PARM1: variants seen among roughly 807,000 people sequenced by gnomAD.
PARM1 encodes the protein WSC4, cell wall integrity and stress response component 4 homolog.
A neutral mutation model predicts 24.6 loss-of-function variants in PARM1; 14 were observed. The ratio of observed to expected loss-of-function variants is 0.57; its 90% CI spans 0.38 to 0.89. The LOEUF (loss-of-function observed/expected upper bound fraction) is 0.89. Ranked by LOEUF, PARM1 falls within the 40% of genes least tolerant of loss-of-function variation. The probability of loss-of-function intolerance (pLI) is 0.00; values close to 1 mark genes in which losing one functional copy is unlikely to be tolerated. For synonymous variants in PARM1, 179 were observed against 156.6 expected (o/e 1.14, Z -1.07); for missense variants, 362 against 380.4 (o/e 0.95, Z 0.40).
At chr4:75,039,653 G>A (rs769129531) in intron 3 of PARM1, among the ~76,000 whole-genome samples, 2 of 152,130 alleles carry the variant, frequency 1.3e-5, no homozygotes, top group Non-Finnish European at 2.9e-5. Flanking sequence ...CAGTGCTGCT[G>A]GTCCAAGGAT....
intron 1 of PARM1, among the ~76,000 whole-genome samples, chr4:74,961,631 T>A (rs1721776473): frequency 6.6e-6 from 1 of 152,164 alleles, no homozygotes; most frequent in Admixed American, 6.5e-5. Context: ...TTCTAAACTT[T>A]AGAGGCCAGA....
At chr4:75,025,296 G>A (rs747184829) in intron 2 of PARM1, among the ~76,000 whole-genome samples, 36 of 152,202 alleles carry the variant, frequency 2.4e-4, no homozygotes, top group Non-Finnish European at 7.3e-5. Flanking sequence ...TGAATGAGGG[G>A]ATTGATCCCA....
intron 2 of PARM1, among the ~76,000 whole-genome samples, chr4:75,025,585 C>A (rs752564729): frequency 2.0e-5 from 3 of 152,154 alleles, no homozygotes; most frequent in Non-Finnish European, 4.4e-5. Flanking sequence ...ACTGTGCCGT[C>A]ATGTGTGCCT....
In PARM1 at chr4:75,046,157, C is replaced by T; in HGVS notation, c.849-6C>T. 6.2e-7 allele frequency: 1 copy of T among 1,604,160 alleles called. No individual in the cohort carries two copies. ...TAATCACAACCCTCTTCTGTTTCTC[C>T]ACCAGGCATTCCTCCTATGGAAGAC... On this transcript the variant is annotated splice_region_variant and splice_polypyrimidine_tract_variant and intron_variant, in intron 3 of 3. Transcript: ENST00000307428.
At chr4:74,978,685 T>C (rs1157132873) in intron 1 of PARM1, among the ~76,000 whole-genome samples, 3 of 152,176 alleles carry the variant, frequency 2.0e-5, no homozygotes, top group Non-Finnish European at 2.9e-5. Flanking sequence ...CCTGACACTT[T>C]ACTCTAAAAT....
At chr4:74,941,939 T>C (rs1489734322) in intron 1 of PARM1, among the ~76,000 whole-genome samples, 1 of 152,280 alleles carries the variant, frequency 6.6e-6, no homozygotes, top group East Asian at 1.9e-4. Flanking sequence ...ATGAAGGGAT[T>C]TGTGTTATTT....
At chr4:74,981,560 G>A (rs1722256386) in intron 1 of PARM1, among the ~76,000 whole-genome samples, 1 of 152,122 alleles carries the variant, frequency 6.6e-6, no homozygotes, top group Non-Finnish European at 1.5e-5. Context: ...CATTATGGAA[G>A]ACAATGTAGC....
rs925675286 is a variant in PARM1, at chr4:75,047,048, G to A, written c.*801G>A. ...AGGCTATGAGATGAGCTGAGTTATA[G>A]AGAGAAAGGGAGAGGCATGTACGGT... On this transcript the variant is annotated 3_prime_UTR_variant, in exon 4 of 4. Transcript: ENST00000307428. 6.6e-6 allele frequency: 1 copy of A among 152,496 alleles called. No homozygotes were observed. Among genetic ancestry groups the A allele is most frequent in the Non-Finnish European group, 1.5e-5 (1 of 68,246 alleles). 9.4% of individuals were successfully genotyped at this position (152,496 alleles called of 1,614,324 possible).
At chr4:75,005,253 A>G (rs1236532620) in intron 1 of PARM1, among the ~76,000 whole-genome samples, 1 of 152,224 alleles carries the variant, frequency 6.6e-6, no homozygotes, top group African/African-American at 2.4e-5. Flanking sequence ...GCAGCAGGAA[A>G]GGGCTTGACT....
chr4:74,934,986 GCT>G lies in PARM1; in HGVS notation c.43+1619_43+1620del, dbSNP rs1721147139. Among the ~76,000 whole-genome samples, 3 of 36,736 alleles carry G rather than the reference GCT, an allele frequency of 8.2e-5. No individual in the cohort carries two copies. In the South Asian group the frequency reaches 4.2e-3, roughly 52 times the overall value. 24.1% of individuals were successfully genotyped at this position (36,736 alleles called of 152,430 possible). A position where few individuals can be genotyped will look rare whatever the true frequency, so the allele number is the denominator to read the frequency against. On this transcript the variant is annotated intron_variant, in intron 1 of 3. Transcript: ENST00000307428. ...AGCTTCCCCACCCCCACCCCAAGAA[GCT>G]CTTTTTTCTTTTTTTTTTTTTTCTT...
chr4:75,027,396 G>T (rs1249168779), intron 2 of PARM1, among the ~76,000 whole-genome samples: 1 of 152,054 alleles, frequency 6.6e-6, no homozygotes, highest in Non-Finnish European at 1.5e-5. Flanking sequence ...CCCTGGCATG[G>T]GGTGGAATGG....
At chr4:75,030,940 CAG>C (rs558193230) in intron 2 of PARM1, among the ~76,000 whole-genome samples, 26 of 152,160 alleles carry the variant, frequency 1.7e-4, no homozygotes, top group Non-Finnish European at 3.1e-4. Flanking sequence ...AAACAGAACT[CAG>C]GGGGAAATGG....
intron 1 of PARM1, among the ~76,000 whole-genome samples, chr4:75,007,534 C>T (rs1182170367): frequency 1.3e-5 from 2 of 152,150 alleles, no homozygotes; most frequent in Non-Finnish European, 2.9e-5. Context: ...TGTCTGCTCC[C>T]TCATTTATCA....
At chr4:74,979,161 C>T (rs370422014) in intron 1 of PARM1, among the ~76,000 whole-genome samples, 31 of 151,186 alleles carry the variant, frequency 2.1e-4, no homozygotes, top group East Asian at 1.2e-3. Context: ...AAAAAACCTT[C>T]GAAAAAATCA....
chr4:74,959,453 A>G (rs574235307), intron 1 of PARM1, among the ~76,000 whole-genome samples: 18 of 152,126 alleles, frequency 1.2e-4, no homozygotes, highest in Non-Finnish European at 2.4e-4. Flanking sequence ...GTGGGTTCTG[A>G]TGTTCCACTC....
At chr4:74,960,678 A>G (rs185963469) in intron 1 of PARM1, among the ~76,000 whole-genome samples, 70 of 152,272 alleles carry the variant, frequency 4.6e-4, no homozygotes, top group African/African-American at 1.6e-3. Flanking sequence ...AACCCAATAG[A>G]AACATACCTA....
intron 1 of PARM1, among the ~76,000 whole-genome samples, chr4:74,940,041 T>C (rs2109979928): frequency 6.6e-6 from 1 of 152,186 alleles, no homozygotes; most frequent in East Asian, 1.9e-4. Context: ...TGTTTATCTG[T>C]GTGTTTTTTT....
intron 1 of PARM1, among the ~76,000 whole-genome samples, chr4:74,974,383 G>A (rs1722100025): frequency 6.6e-6 from 1 of 152,194 alleles, no homozygotes; most frequent in Non-Finnish European, 1.5e-5. Context: ...GACACCCTAG[G>A]AGGATGGGCC....
chr4:75,029,506 A>G, intron 2 of PARM1, among the ~76,000 whole-genome samples: 1 of 152,120 alleles, frequency 6.6e-6, no homozygotes, highest in East Asian at 1.9e-4. Flanking sequence ...TACCCTGCCC[A>G]TGCTCTCTTG....
Sources: gnomAD v4.1 joint callset for allele counts (sites outside exome capture counted in the v4.1 genomes callset) on GRCh38, gnomAD v4.1.1 for gene constraint, MANE v1.5 for transcripts, NCBI Gene and HGNC (gene_info 2026-07-23, HGNC 2026-07-21) for gene names.